The following PRIM2 variants were observed in gnomAD, a reference collection of about 807,000 sequenced individuals.
The protein encoded by PRIM2 is DNA primase large subunit.
PRIM2 carries 39 observed loss-of-function variants against 67.3 expected under a neutral mutation model. The ratio of observed to expected loss-of-function variants is 0.58; its 90% CI spans 0.45 to 0.76. The LOEUF is 0.76. Among genes scored for constraint, PRIM2 ranks in the 30% least tolerant of loss-of-function variants. PRIM2 has a pLI of 0.00. For synonymous variants in PRIM2, 143 were observed against 198.7 expected, an observed-to-expected ratio of 0.72 and a Z score of 2.36; for missense variants, 398 against 598.7, an observed-to-expected ratio of 0.66 and a Z score of 3.50.
At chr6:57,311,244 G>A (rs1303626471), upstream of PRIM2, among the ~76,000 whole-genome samples, 1 of 145,834 alleles carries the variant, frequency 6.9e-6, no homozygotes, top group South Asian at 2.2e-4. Context: ...TCCCGGACGG[G>A]GCATCCGGGC....
intron 10 of PRIM2, among the ~76,000 whole-genome samples, chr6:57,595,432 A>G (rs1582010802): frequency 6.6e-6 from 1 of 152,062 alleles, no homozygotes; most frequent in East Asian, 1.9e-4. Flanking sequence ...GATAGCCTAT[A>G]TTCAATTCAC....
At chr6:57,328,804 C>G (rs2127278684) in intron 5 of PRIM2, among the ~76,000 whole-genome samples, 1 of 152,298 alleles carries the variant, frequency 6.6e-6, no homozygotes, top group East Asian at 1.9e-4. Flanking sequence ...GTTCCACTTT[C>G]TCCATATCCT....
intron 12 of PRIM2, among the ~76,000 whole-genome samples, chr6:57,611,279 A>C (rs1776661575): frequency 2.6e-5 from 4 of 152,218 alleles, no homozygotes. Flanking sequence ...CATATACAGC[A>C]GTACCAGAAA....
chr6:57,390,998 C>T (rs1770324604), intron 7 of PRIM2, among the ~76,000 whole-genome samples: 3 of 152,200 alleles, frequency 2.0e-5, no homozygotes, highest in Admixed American at 1.3e-4. Context: ...TTTACACTCC[C>T]TCCAACAGTG....
intron 10 of PRIM2, among the ~76,000 whole-genome samples, chr6:57,542,999 C>T (rs1308600842): frequency 0.031 from 3,856 of 124,892 alleles, 206 homozygotes; most frequent in African/African-American, 0.11. Flanking sequence ...AGTGCAGTGG[C>T]GCAATCTCGG....
chr6:57,256,613 CTCTCTT>C, the PRIM2 span, among the ~76,000 whole-genome samples: 1 of 144,378 alleles, frequency 6.9e-6, no homozygotes, highest in African/African-American at 2.6e-5. Flanking sequence ...AGTTTTCTTT[CTCTCTT>C]TCTCTTTCTC....
At chr6:57,466,782 A>C (rs2127400020) in intron 7 of PRIM2, among the ~76,000 whole-genome samples, 1 of 152,244 alleles carries the variant, frequency 6.6e-6, no homozygotes, top group South Asian at 2.1e-4. Context: ...GTTCACTCTG[A>C]TGATAGTTTC....
chr6:57,221,822 C>G, the PRIM2 span: 2 of 152,422 alleles, frequency 1.3e-5, no homozygotes, highest in Non-Finnish European at 2.9e-5. Flanking sequence ...AGCCGGCGCT[C>G]GGCGGTCCGA....
chr6:57,266,471 T>G, the PRIM2 span, among the ~76,000 whole-genome samples: 1 of 152,238 alleles, frequency 6.6e-6, no homozygotes, highest in African/African-American at 2.4e-5. Flanking sequence ...ACAATTTTTT[T>G]GCAACCACAG....
At chr6:57,537,696 T>G in intron 10 of PRIM2, 71 bp downstream of exon 10, 1 of 1,014,114 alleles carries the variant, frequency 9.9e-7, no homozygotes, top group Non-Finnish European at 1.3e-6. Context: ...ACGGTCTATT[T>G]TTTTTTTTAA....
chr6:57,306,821 G>A, the PRIM2 span, among the ~76,000 whole-genome samples: 1 of 152,182 alleles, frequency 6.6e-6, no homozygotes, highest in Non-Finnish European at 1.5e-5. Context: ...ACTCCAGTAT[G>A]TATTATTCCA....
chr6:57,231,092 G>T, the PRIM2 span, among the ~76,000 whole-genome samples: 936 of 152,302 alleles, frequency 6.1e-3, 5 homozygotes, highest in Non-Finnish European at 8.2e-3. Flanking sequence ...AATGACTAGG[G>T]TATACTATTG....
At chr6:57,388,667 A>G (rs1770229349) in intron 7 of PRIM2, among the ~76,000 whole-genome samples, 2 of 152,178 alleles carry the variant, frequency 1.3e-5, no homozygotes, top group Admixed American at 6.5e-5. Flanking sequence ...ATCAAGGTCT[A>G]TGTTCTTGAC....
At chr6:57,381,263 G>C (rs974532075) in intron 6 of PRIM2, among the ~76,000 whole-genome samples, 2 of 152,156 alleles carry the variant, frequency 1.3e-5, no homozygotes, top group African/African-American at 4.8e-5. Context: ...ACAGAAAATT[G>C]TATGCATTTA....
intron 13 of PRIM2, among the ~76,000 whole-genome samples, chr6:57,638,576 C>CAAAAAAAAAAAAAAAAAA (rs1227220865): frequency 1.6e-4 from 5 of 32,022 alleles, no homozygotes; most frequent in African/African-American, 5.1e-4. Flanking sequence ...AAACAGAAAG[C>CAAAAAAAAAAAAAAAAAA]AAAAAAAAAA....
the PRIM2 span, among the ~76,000 whole-genome samples, chr6:57,269,970 G>T: frequency 6.6e-6 from 1 of 152,066 alleles, no homozygotes; most frequent in Non-Finnish European, 1.5e-5. Flanking sequence ...TGAGGGCTCT[G>T]TTCTGTTCCA....
At chr6:57,377,234 A>G (rs1313311168) in intron 5 of PRIM2, among the ~76,000 whole-genome samples, 2 of 152,182 alleles carry the variant, frequency 1.3e-5, no homozygotes, top group African/African-American at 4.8e-5. Flanking sequence ...TTAGGCCAAT[A>G]GTTTTAATAA....
intron 7 of PRIM2, among the ~76,000 whole-genome samples, chr6:57,457,715 C>T (rs1196609231): frequency 6.6e-6 from 1 of 152,174 alleles, no homozygotes; most frequent in Non-Finnish European, 1.5e-5. Context: ...AAAGGGAATT[C>T]CCTGACCCCT....
intron 11 of PRIM2, among the ~76,000 whole-genome samples, chr6:57,602,139 A>AG (rs1374717327): frequency 6.7e-6 from 1 of 150,208 alleles, no homozygotes; most frequent in East Asian, 2.0e-4. Context: ...GGCTCACTGC[A>AG]GTCTCCACCT....
Sources: gnomAD v4.1 joint callset for allele counts (sites outside exome capture counted in the v4.1 genomes callset) on GRCh38, gnomAD v4.1.1 for gene constraint, MANE v1.5 for transcripts, NCBI Gene and HGNC (gene_info 2026-07-23, HGNC 2026-07-21) for gene names.